Variants in SPTBN4 observed in about 807,000 individuals in gnomAD.
The protein encoded by SPTBN4 is spectrin beta, non-erythrocytic 4, also known as spectrin beta chain, non-erythrocytic 4.
SPTBN4 carries 96 observed loss-of-function variants against 277.8 expected under a neutral mutation model. That is an observed-to-expected ratio of 0.35 (90% CI 0.29 to 0.41). SPTBN4 has a LOEUF of 0.41. Ranked by LOEUF, SPTBN4 falls within the 10% of genes least tolerant of loss-of-function variation. The probability of loss-of-function intolerance (pLI) is 1.00; values close to 1 mark genes in which losing one functional copy is unlikely to be tolerated. For synonymous variants in SPTBN4, 1,481 were observed against 1,580.3 expected (o/e 0.94, Z 1.49); for missense variants, 3,006 against 3,595.7 (o/e 0.84, Z 4.19).
intron 2 of SPTBN4, among the ~76,000 whole-genome samples, chr19:40,479,567 A>G (rs1170098828): frequency 6.6e-6 from 1 of 151,516 alleles, no homozygotes; most frequent in African/African-American, 2.4e-5. Context: ...TCGACCTCCC[A>G]AAGTGTTGGG....
intron 35 of SPTBN4, 117 bp from the exon 36 acceptor site, chr19:40,575,294 C>A: frequency 8.3e-7 from 1 of 1,208,846 alleles, no homozygotes; most frequent in Non-Finnish European, 1.1e-6. Flanking sequence ...TCATCATCAT[C>A]CCTTTTTAAT....
intron 17 of SPTBN4, among the ~76,000 whole-genome samples, chr19:40,525,655 T>C (rs1322519060): frequency 1.3e-5 from 2 of 152,220 alleles, no homozygotes. Flanking sequence ...CAATTAAACA[T>C]GTACTGAGCC....
intron 30 of SPTBN4, chr19:40,567,040 T>C (rs761837967): frequency 1.4e-5 from 6 of 443,594 alleles, no homozygotes; most frequent in South Asian, 4.7e-5. Context: ...GTACTCTCTT[T>C]GGAAGCCTAG....
intron 2 of SPTBN4, among the ~76,000 whole-genome samples, chr19:40,478,715 T>G (rs911144038): frequency 1.3e-5 from 2 of 151,990 alleles, no homozygotes; most frequent in African/African-American, 4.8e-5. Flanking sequence ...CCAGCTAATA[T>G]TTTGTATTTT....
rs775246768 is a variant in SPTBN4, at chr19:40,554,506, G to C, written c.4954-10G>C. ...GCTGCCGCCTCATCGTGGGCGCTTTGTGCCCCCAGGACGAACAGAGCACCC... is the reference window on the plus strand; with the variant it reads ...GCTGCCGCCTCATCGTGGGCGCTTTCTGCCCCCAGGACGAACAGAGCACCC... On this transcript the variant is annotated splice_polypyrimidine_tract_variant and intron_variant, in intron 23 of 35. Transcript: ENST00000598249. This position sits in a 1 kb window ranked among gnomAD's most constrained non-coding sequence, Gnocchi z 5.7. The C allele has an allele frequency of 6.8e-7, 1 of 1,479,412 alleles. No individual in the cohort carries two copies. The highest frequency in any genetic ancestry group is 9.0e-7 in the Non-Finnish European group (1 of 1,111,320). 91.6% of individuals were successfully genotyped at this position (1,479,412 alleles called of 1,614,324 possible).
At chr19:40,533,942 C>T in intron 19 of SPTBN4, 138 bp from the exon 20 acceptor site, 5 of 1,093,114 alleles carry the variant, frequency 4.6e-6, no homozygotes, top group Non-Finnish European at 6.4e-6. Context: ...TCTCTCTCTC[C>T]CTATGTGTCT....
intron 2 of SPTBN4, among the ~76,000 whole-genome samples, chr19:40,474,200 G>A (rs972214406): frequency 4.3e-5 from 6 of 139,930 alleles, no homozygotes; most frequent in Non-Finnish European, 6.1e-5. Context: ...AATGTGAAAC[G>A]TTATCATCAC....
At position 40,513,029 on chromosome 19, in the gene SPTBN4, G is replaced by A; in HGVS notation, c.2240G>A (p.Arg747His). 1 of 1,421,998 alleles carries A rather than the reference G, an allele frequency of 7.0e-7. No individual in the cohort carries two copies. Among genetic ancestry groups the A allele is most frequent in the Non-Finnish European group, 9.1e-7 (1 of 1,094,980 alleles). The allele number at this position is 1,421,998 out of a possible 1,614,324, so 88.1% of individuals were successfully genotyped here. ...DTVHLVGLAE[R>H]AASARRRWQR... ...GTGCACCTGGTAGGCCTGGCGGAGC[G>A]CGCGGCGAGCGCCCGGCGCCGCTGG... The change falls in exon 14 of 36, where the codon CGC becomes CAC. Residue 747 changes from arginine to histidine, a missense_variant. By Grantham distance (29) the Arg-to-His change is conservative. Transcript: ENST00000598249.
At chr19:40,557,843 G>A (rs1425924991) in intron 26 of SPTBN4, among the ~76,000 whole-genome samples, 1 of 150,672 alleles carries the variant, frequency 6.6e-6, no homozygotes, top group South Asian at 2.1e-4. Flanking sequence ...ACTTGAACCC[G>A]GGAGGAGGAG....
In SPTBN4 at chr19:40,530,505, C is replaced by CGCCGCT. The variant is rs1040116884; in HGVS notation, c.3948+1385_3948+1390dup. The CGCCGCT allele has an allele frequency of 1.1e-5, 11 of 979,754 alleles. No individual in the cohort carries two copies. The South Asian group carries it at 1.9e-4, about 17-fold the overall frequency. 60.7% of individuals were successfully genotyped at this position (979,754 alleles called of 1,614,324 possible). A position where few individuals can be genotyped will look rare whatever the true frequency, so the allele number is the denominator to read the frequency against. ...CGGCCGCCGGAGCCTCAGCCTTCGC[C>CGCCGCT]GCCGCTGCCGCTGCCGTCGCAGTTG... On this transcript the variant is annotated intron_variant, in intron 18 of 35. Transcript: ENST00000598249.
chr19:40,569,967 C>CACACACAG (rs752063720), intron 32 of SPTBN4, among the ~76,000 whole-genome samples: 1 of 120,434 alleles, frequency 8.3e-6, no homozygotes, highest in African/African-American at 3.3e-5. Flanking sequence ...CACACACACA[C>CACACACAG]ACACACAGAC....
In SPTBN4 at chr19:40,512,914, G is replaced by C. The variant is rs769165902; in HGVS notation, c.2125G>C (p.Gly709Arg). Residue 709 changes from glycine (G) to arginine (R), a missense_variant, in exon 14 of 36, where the codon GGC becomes CGC. Gly to Arg is a moderately radical substitution (Grantham distance 125, BLOSUM62 -2). Coordinates refer to ENST00000598249, the MANE Select transcript of SPTBN4 (RefSeq NM_020971.3). ...GCACAAGATCCTGCAGGGCGAGCTG[G>C]GCGGGCGGCGAGCGTTGCTGCAGCA... ...AQHKILQGEL[G>R]GRRALLQQAL... 4.2e-6 allele frequency: 6 copies of C among 1,426,314 alleles called. No individual in the cohort carries two copies. In the Admixed American group the frequency reaches 2.0e-4, roughly 46 times the overall value. The allele number at this position is 1,426,314 out of a possible 1,614,324, so 88.4% of individuals were successfully genotyped here. A position where few individuals can be genotyped will look rare whatever the true frequency, so the allele number is the denominator to read the frequency against.
At position 40,575,725 on chromosome 19, in the gene SPTBN4, C is replaced by A; in HGVS notation, c.*156C>A. The A allele has an allele frequency of 4.2e-6, 4 of 947,498 alleles. No individual in the cohort carries two copies. The highest frequency in any genetic ancestry group is 6.0e-6 in the Non-Finnish European group (4 of 663,828). The allele number at this position is 947,498 out of a possible 1,614,324, so 58.7% of individuals were successfully genotyped here. A position where few individuals can be genotyped will look rare whatever the true frequency, so the allele number is the denominator to read the frequency against. On this transcript the variant is annotated 3_prime_UTR_variant, in exon 36 of 36. Coordinates refer to ENST00000598249, the MANE Select transcript of SPTBN4 (RefSeq NM_020971.3). ...CGGAAAGGAGGGGACTTCTCCTGCACCCCAAGAAGTGGTGGGGAGATTGCT... is the reference window on the plus strand; with the variant it reads ...CGGAAAGGAGGGGACTTCTCCTGCAACCCAAGAAGTGGTGGGGAGATTGCT...
intron 17 of SPTBN4, among the ~76,000 whole-genome samples, chr19:40,525,548 C>T (rs774055701): frequency 5.9e-5 from 9 of 152,022 alleles, no homozygotes; most frequent in South Asian, 2.1e-4. Flanking sequence ...AGGAGGAGCC[C>T]GGGGGACTGT....
chr19:40,486,189 G>C (rs2080070238), intron 2 of SPTBN4, among the ~76,000 whole-genome samples: 1 of 151,948 alleles, frequency 6.6e-6, no homozygotes, highest in South Asian at 2.1e-4. Flanking sequence ...TACTTGGGAG[G>C]CTGCGATGGG....
chr19:40,486,016 G>A (rs1450573652), intron 2 of SPTBN4, among the ~76,000 whole-genome samples: 2 of 150,906 alleles, frequency 1.3e-5, no homozygotes, highest in African/African-American at 2.4e-5. Flanking sequence ...ATGACCAAGC[G>A]CAGTGGCTAA....
intron 4 of SPTBN4, among the ~76,000 whole-genome samples, chr19:40,491,372 T>C (rs1035534531): frequency 6.6e-6 from 1 of 151,912 alleles, no homozygotes; most frequent in Non-Finnish European, 1.5e-5. Context: ...TGATGAGTAG[T>C]TTGGATTTTA....
At chr19:40,572,238 C>T in intron 34 of SPTBN4, 46 bp downstream of exon 34, 1 of 1,598,890 alleles carries the variant, frequency 6.3e-7, no homozygotes. Context: ...GGCTCAGCTT[C>T]AACTCCCAGT....
chr19:40,487,665 C>G (rs764955130), intron 2 of SPTBN4, 32 bp from the exon 3 acceptor site: 4 of 1,584,224 alleles, frequency 2.5e-6, no homozygotes, highest in African/African-American at 1.3e-5. Flanking sequence ...AAGGTGGAAG[C>G]GCCTGGGGGC....
Sources: allele counts gnomAD v4.1 joint callset (sites outside exome capture counted in the v4.1 genomes callset), GRCh38; gene constraint gnomAD v4.1.1; non-coding constraint Gnocchi (gnomAD v3.1); transcripts MANE v1.5; gene names NCBI Gene and HGNC (gene_info 2026-07-23, HGNC 2026-07-21).